STXBP6: variants seen among roughly 807,000 people sequenced by gnomAD.
STXBP6 encodes syntaxin-binding protein 6.
In STXBP6, 21 loss-of-function variants were observed where a neutral mutation model predicts 26.9. The observed-to-expected ratio is 0.78, with a 90% confidence interval of 0.55 to 1.12. STXBP6 has a LOEUF of 1.12. Ranked by LOEUF, STXBP6 falls within the 50% of genes most tolerant of loss-of-function variation. The pLI is 0.00. For missense variants in STXBP6, 232 were observed against 257.9 expected (o/e 0.90, Z 0.69); for synonymous variants, 97 against 92.6 (o/e 1.05, Z -0.27).
chr14:24,840,388 A>T (rs1384775215), intron 4 of STXBP6, among the ~76,000 whole-genome samples: 1 of 152,088 alleles, frequency 6.6e-6, no homozygotes, highest in Non-Finnish European at 1.5e-5. Flanking sequence ...TGGAATTCAG[A>T]TTCTTTCCTC....
At chr14:24,860,302 A>G (rs1437172316) in intron 2 of STXBP6, among the ~76,000 whole-genome samples, 1 of 152,186 alleles carries the variant, frequency 6.6e-6, no homozygotes, top group African/African-American at 2.4e-5. Context: ...ACCATGTCAT[A>G]ACAAATTGGT....
At chr14:24,945,921 T>C (rs776445779) in intron 2 of STXBP6, among the ~76,000 whole-genome samples, 2 of 152,140 alleles carry the variant, frequency 1.3e-5, no homozygotes, top group African/African-American at 2.4e-5. Context: ...GTCAAAACGG[T>C]TGAACTCAAG....
intron 1 of STXBP6, among the ~76,000 whole-genome samples, chr14:25,004,407 G>T (rs1240848140): frequency 6.6e-6 from 1 of 152,162 alleles, no homozygotes; most frequent in Admixed American, 6.5e-5. Flanking sequence ...ACTGCTCAAG[G>T]GTCTATGTGA....
At chr14:24,855,821 C>T (rs751780448) in intron 4 of STXBP6, 115 bp downstream of exon 4, 2 of 940,866 alleles carry the variant, frequency 2.1e-6, no homozygotes, top group African/African-American at 1.7e-5. Context: ...TAGCTCTGAG[C>T]ATATTGATTC....
chr14:25,042,440 A>G (rs556610448), intron 1 of STXBP6, among the ~76,000 whole-genome samples: 1 of 152,282 alleles, frequency 6.6e-6, no homozygotes, highest in African/African-American at 2.4e-5. Flanking sequence ...TTACCACAGA[A>G]TTCTTGATCT....
At chr14:25,021,838 A>G (rs1472797925) in intron 1 of STXBP6, among the ~76,000 whole-genome samples, 1 of 152,204 alleles carries the variant, frequency 6.6e-6, no homozygotes, top group Non-Finnish European at 1.5e-5. Flanking sequence ...GAAAGCAACT[A>G]ATACAATTAA....
chr14:24,809,615 AGT>A lies in STXBP6; in HGVS notation c.*3092_*3093del, dbSNP rs2067765698. The A allele has an allele frequency of 2.0e-5, 3 of 152,350 alleles. No homozygotes were observed. The highest frequency in any genetic ancestry group is 1.3e-4 in the Admixed American group (2 of 15,304). 9.4% of individuals were successfully genotyped at this position (152,350 alleles called of 1,614,324 possible). On this transcript the variant is annotated 3_prime_UTR_variant, in exon 6 of 6. Coordinates refer to ENST00000323944, the MANE Select transcript of STXBP6 (RefSeq NM_001394410.1). ...ATGTGGTGACATGTACTTATTTGGT[AGT>A]GTTTTATAGAGTTCATAAATAACTG...
At chr14:24,947,589 A>G (rs567970703) in intron 2 of STXBP6, among the ~76,000 whole-genome samples, 1 of 152,322 alleles carries the variant, frequency 6.6e-6, no homozygotes, top group African/African-American at 2.4e-5. Context: ...TGTTTCCACA[A>G]ACACAACTTC....
chr14:25,006,419 G>GTA (rs1566556156), intron 1 of STXBP6, among the ~76,000 whole-genome samples: 1 of 152,132 alleles, frequency 6.6e-6, no homozygotes, highest in African/African-American at 2.4e-5. Context: ...ATATGTGTGT[G>GTA]TATACATACA....
intron 1 of STXBP6, among the ~76,000 whole-genome samples, chr14:25,023,188 A>T (rs2075290230): frequency 6.6e-6 from 1 of 152,156 alleles, no homozygotes; most frequent in African/African-American, 2.4e-5. Context: ...TATGGTTTGA[A>T]CTTGGTAGAA....
In STXBP6 at chr14:25,049,335, G is replaced by A; in HGVS notation, c.-33+543C>T. 7 of 985,432 alleles carry A rather than the reference G, an allele frequency of 7.1e-6. No homozygotes were observed. The highest frequency in any genetic ancestry group is 8.4e-6 in the Non-Finnish European group (7 of 829,924). The allele number at this position is 985,432 out of a possible 1,614,324, so 61.0% of individuals were successfully genotyped here. ...AAAGGGGGCATCGCCCAGGGCCAGC[G>A]CCCTGGGGGCAGGGTGCCGTGCCCG... On this transcript the variant is annotated intron_variant, in intron 1 of 5. Transcript: ENST00000323944. The surrounding 1 kb of genome is among the most constrained non-coding windows in gnomAD (Gnocchi z 5.6).
intron 1 of STXBP6, among the ~76,000 whole-genome samples, chr14:25,027,374 T>C (rs1023441592): frequency 5.3e-5 from 8 of 152,212 alleles, no homozygotes; most frequent in Non-Finnish European, 1.2e-4. Context: ...TGCTCTTATA[T>C]GTTTCTATTG....
intron 2 of STXBP6, among the ~76,000 whole-genome samples, chr14:24,871,611 C>T (rs1259250704): frequency 6.6e-6 from 1 of 152,200 alleles, no homozygotes; most frequent in East Asian, 1.9e-4. Context: ...TTACTACCTG[C>T]AGAAGCAAAT....
chr14:24,931,150 A>C (rs893860763), intron 2 of STXBP6, among the ~76,000 whole-genome samples: 1 of 116,798 alleles, frequency 8.6e-6, no homozygotes, highest in Non-Finnish European at 1.8e-5. Context: ...AAACCCAAAC[A>C]CCACATGTTC....
chr14:24,863,428 A>G (rs1373822665), intron 2 of STXBP6, among the ~76,000 whole-genome samples: 1 of 152,206 alleles, frequency 6.6e-6, no homozygotes, highest in African/African-American at 2.4e-5. Flanking sequence ...ACAAGAAACC[A>G]TGAACTTACT....
intron 2 of STXBP6, among the ~76,000 whole-genome samples, chr14:24,895,748 A>C (rs2070966470): frequency 6.6e-6 from 1 of 152,244 alleles, no homozygotes; most frequent in African/African-American, 2.4e-5. Flanking sequence ...TAGGCTCTGC[A>C]GGCAGCTCAC....
chr14:24,961,903 A>T (rs1318531367), intron 2 of STXBP6, among the ~76,000 whole-genome samples: 3 of 152,186 alleles, frequency 2.0e-5, no homozygotes, highest in Non-Finnish European at 4.4e-5. Context: ...AATTAAATGT[A>T]CCAACCTAGA....
intron 4 of STXBP6, 118 bp from the exon 5 acceptor site, chr14:24,819,312 G>A (rs763456497): frequency 4.2e-5 from 48 of 1,137,372 alleles, no homozygotes; most frequent in Non-Finnish European, 5.6e-5. Context: ...AAGGCCGCTC[G>A]TCTAGTGTCT....
intron 1 of STXBP6, among the ~76,000 whole-genome samples, chr14:25,026,484 G>A (rs2075351986): frequency 6.6e-6 from 1 of 152,066 alleles, no homozygotes; most frequent in Non-Finnish European, 1.5e-5. Flanking sequence ...AATCAAACAC[G>A]GTAATACTGC....
Sources: gnomAD v4.1 joint callset for allele counts (sites outside exome capture counted in the v4.1 genomes callset) on GRCh38, gnomAD v4.1.1 for gene constraint, Gnocchi (gnomAD v3.1) non-coding constraint, MANE v1.5 for transcripts, NCBI Gene and HGNC (gene_info 2026-07-23, HGNC 2026-07-21) for gene names.